The following DMTN variants were observed in gnomAD, a reference collection of about 807,000 sequenced individuals.
DMTN encodes the protein dematin.
A neutral mutation model predicts 59.4 loss-of-function variants in DMTN; 27 were observed. The observed-to-expected ratio is 0.45, with a 90% CI of 0.33 to 0.63. The LOEUF is 0.63. Ranked by LOEUF, DMTN falls within the 20% of genes least tolerant of loss-of-function variation. The probability of loss-of-function intolerance (pLI) is 0.02; values close to 1 mark genes in which losing one functional copy is unlikely to be tolerated. For synonymous variants in DMTN, 221 were observed against 203.7 expected (o/e 1.08, Z -0.72); for missense variants, 451 against 528.9 (o/e 0.85, Z 1.45).
intron 1 of DMTN, among the ~76,000 whole-genome samples, chr8:22,062,860 G>C (rs79708233): frequency 0.029 from 4,145 of 143,974 alleles, 112 homozygotes; most frequent in African/African-American, 0.077. Flanking sequence ...CTGTGTATCA[G>C]ACCCTTTGCT....
Position 22,081,873 on chromosome 8 carries a change from G to GGCCCCCCCCCC in DMTN, c.*410_*411insGCCCCCCCCCC. Reference sequence around the variant, plus strand: ...AGAAAGAGCTCCAGGCTCTTGTGTCGCCCACCCAGCCCTCCCATACTCACT... The same window carrying GGCCCCCCCCCC: ...AGAAAGAGCTCCAGGCTCTTGTGTCGGCCCCCCCCCCCCCACCCAGCCCTCCCATACTCACT... On this transcript the variant is annotated 3_prime_UTR_variant, in exon 16 of 16. Transcript: ENST00000358242. 1 of 460,766 alleles carries GGCCCCCCCCCC rather than the reference G, an allele frequency of 2.2e-6. No individual in the cohort carries two copies. Among genetic ancestry groups the GGCCCCCCCCCC allele is most frequent in the Non-Finnish European group, 4.3e-6 (1 of 230,124 alleles). The allele number at this position is 460,766 out of a possible 1,614,324, so 28.5% of individuals were successfully genotyped here.
At position 22,060,899 on chromosome 8, in the gene DMTN, C is replaced by G. The variant is rs576018843; in HGVS notation, c.-172+3763C>G. Among the ~76,000 whole-genome samples, 172 of 152,328 alleles carry G rather than the reference C, an allele frequency of 1.1e-3. No individual in the cohort carries two copies. The highest frequency in any genetic ancestry group is 2.2e-3 in the Admixed American group (34 of 15,302). ...TCCTTGACCAACTACTTAACTTGTT[C>G]AAGTCTCAACTTCTTCATGTGCAAA... On this transcript the variant is annotated intron_variant, in intron 1 of 15. Transcript: ENST00000358242. This position sits in a 1 kb window ranked among gnomAD's most constrained non-coding sequence, Gnocchi z 5.0.
At position 22,080,618 on chromosome 8, in the gene DMTN, G is replaced by T. The variant is rs1411554480; in HGVS notation, c.950G>T (p.Gly317Val). The change falls in exon 13 of 16, where the codon GGC becomes GTC. Residue 317 changes from glycine (G) to valine (V), a missense_variant and splice_region_variant. Gly to Val is a moderately radical substitution (Grantham distance 109). Transcript: ENST00000358242. ...SPSGSETGSPGLQNGEGQRGR... is the reference protein window; with the variant it reads ...SPSGSETGSPVLQNGEGQRGR... Reference sequence around the variant, plus strand: ...GACCCATGCCCCTTCTCTCCCGCAGGCCTGCAGGTGAGTGCCTCCTGGAGG... The same window carrying T: ...GACCCATGCCCCTTCTCTCCCGCAGTCCTGCAGGTGAGTGCCTCCTGGAGG... The T allele has an allele frequency of 2.5e-6, 4 of 1,607,140 alleles. No individual in the cohort carries two copies. In the African/African-American group the frequency reaches 5.3e-5, roughly 21 times the overall value.
chr8:22,076,321 TA>T (rs1164128629), intron 10 of DMTN, among the ~76,000 whole-genome samples: 1 of 151,926 alleles, frequency 6.6e-6, no homozygotes, highest in Non-Finnish European at 1.5e-5. Flanking sequence ...GGGCTTCCAT[TA>T]AAGGTCCAGT....
chr8:22,053,844 GCCCA>G (rs1801630663), upstream of DMTN: 1 of 152,260 alleles, frequency 6.6e-6, no homozygotes, highest in African/African-American at 2.4e-5. Context: ...AGCTGAGGAA[GCCCA>G]CCCGCCTGGG....
upstream of DMTN, chr8:22,055,512 G>C (rs913581033): frequency 7.9e-5 from 12 of 152,690 alleles, no homozygotes; most frequent in Admixed American, 6.5e-4. Flanking sequence ...GATGGCTGGA[G>C]TGGCTCCTCC....
At chr8:22,072,141 C>T (rs1816035458) in intron 8 of DMTN, among the ~76,000 whole-genome samples, 185 bp from the exon 9 acceptor site, 1 of 152,166 alleles carries the variant, frequency 6.6e-6, no homozygotes, top group Non-Finnish European at 1.5e-5. Flanking sequence ...CCTCCCACCT[C>T]AGCCTCCCAA....
chr8:22,069,765 T>G, intron 6 of DMTN, 116 bp from the exon 7 acceptor site: 1 of 1,253,684 alleles, frequency 8.0e-7, no homozygotes, highest in South Asian at 1.2e-5. Context: ...CTGTCTTGGC[T>G]CTTGACAGGG....
chr8:22,072,295 C>T (rs1160343360), intron 8 of DMTN, 31 bp from the exon 9 acceptor site: 5 of 1,580,666 alleles, frequency 3.2e-6, no homozygotes, highest in African/African-American at 2.7e-5. Context: ...TGGCGAGTGA[C>T]TCCCTCCCCA....
intron 7 of DMTN, 56 bp downstream of exon 7, chr8:22,069,993 T>C (rs1207992951): frequency 6.2e-7 from 1 of 1,606,504 alleles, no homozygotes; most frequent in African/African-American, 1.3e-5. Context: ...TGGGAGGCCG[T>C]GCCCTGGGGC....
At chr8:22,076,308 CT>C (rs952833679) in intron 10 of DMTN, among the ~76,000 whole-genome samples, 1 of 151,838 alleles carries the variant, frequency 6.6e-6, no homozygotes, top group Non-Finnish European at 1.5e-5. Context: ...GGAAGGGTGC[CT>C]AGGGCTTCCA....
At chr8:22,066,654 C>A in intron 1 of DMTN, 51 bp from the exon 2 acceptor site, 1 of 381,460 alleles carries the variant, frequency 2.6e-6, no homozygotes, top group Non-Finnish European at 4.5e-6. Flanking sequence ...CCCGCGGAGG[C>A]CCCGCAGCCT....
At chr8:22,066,004 C>T (rs1418057764) in intron 1 of DMTN, among the ~76,000 whole-genome samples, 1 of 151,790 alleles carries the variant, frequency 6.6e-6, no homozygotes, top group African/African-American at 2.4e-5. Flanking sequence ...CCACGCCTGG[C>T]TAATTTTTAA....
In DMTN at chr8:22,069,069, G is replaced by A; in HGVS notation, c.294+9G>A. On this transcript the variant is annotated intron_variant, in intron 5 of 15. Coordinates refer to ENST00000358242, the MANE Select transcript of DMTN (RefSeq NM_001387751.1). ...CCCCACCATCCCCAGAGGTGAGTCT[G>A]CCCCACACCTGCAACTTGCCCTGCC... 3 of 1,610,244 alleles carry A rather than the reference G, an allele frequency of 1.9e-6. No individual in the cohort carries two copies. Among genetic ancestry groups the A allele is most frequent in the Non-Finnish European group, 2.5e-6 (3 of 1,178,108 alleles).
Position 22,082,257 on chromosome 8 carries a change from A to G in DMTN, c.*794A>G, listed in dbSNP as rs1041312332. 8.8e-6 allele frequency: 4 copies of G among 456,676 alleles called. No individual in the cohort carries two copies. Among genetic ancestry groups the G allele is most frequent in the Non-Finnish European group, 1.8e-5 (4 of 227,006 alleles). The allele number at this position is 456,676 out of a possible 1,614,324, so 28.3% of individuals were successfully genotyped here. On this transcript the variant is annotated 3_prime_UTR_variant, in exon 16 of 16. Coordinates refer to ENST00000358242, the MANE Select transcript of DMTN (RefSeq NM_001387751.1). ...GTGTCCTGGCTACCAGCTCTCACCT[A>G]CACCCACGCACCCCCCCACACACTA...
chr8:22,081,024 G>A, intron 14 of DMTN, 89 bp from the exon 15 acceptor site: 1 of 1,492,830 alleles, frequency 6.7e-7, no homozygotes, highest in Non-Finnish European at 9.3e-7. Context: ...ATGAACCCCA[G>A]TGGCCTCTGC....
upstream of DMTN, chr8:22,048,971 C>T (rs1425483515): frequency 1.3e-5 from 2 of 148,472 alleles, no homozygotes; most frequent in Non-Finnish European, 3.0e-5. The surrounding 1 kb of genome is among the most constrained non-coding windows in gnomAD (Gnocchi z 6.9). Flanking sequence ...CGGGCGCGTC[C>T]AGGCCGGGCG....
rs1289328430 is a variant in DMTN, at chr8:22,082,007, A to C, written c.*544A>C. On this transcript the variant is annotated 3_prime_UTR_variant, in exon 16 of 16. Transcript: ENST00000358242. ...CACCCCTCCACTTCAGCTTGCCCTGACCTCCGCTCGCAAACCCCGAGCTTC... is the reference window on the plus strand; with the variant it reads ...CACCCCTCCACTTCAGCTTGCCCTGCCCTCCGCTCGCAAACCCCGAGCTTC... 1 of 456,158 alleles carries C rather than the reference A, an allele frequency of 2.2e-6. No individual in the cohort carries two copies. The highest frequency in any genetic ancestry group is 4.4e-6 in the Non-Finnish European group (1 of 226,904). The allele number at this position is 456,158 out of a possible 1,614,324, so 28.3% of individuals were successfully genotyped here. A position where few individuals can be genotyped will look rare whatever the true frequency, so the allele number is the denominator to read the frequency against.
At chr8:22,078,154 C>T in intron 10 of DMTN, among the ~76,000 whole-genome samples, 1 of 151,424 alleles carries the variant, frequency 6.6e-6, no homozygotes, top group South Asian at 2.1e-4. Context: ...CACCTGAAGT[C>T]AGGAGCTCAA....
Sources: gnomAD v4.1 joint callset for allele counts (sites outside exome capture counted in the v4.1 genomes callset) on GRCh38, gnomAD v4.1.1 for gene constraint, Gnocchi (gnomAD v3.1) non-coding constraint, MANE v1.5 for transcripts, NCBI Gene and HGNC (gene_info 2026-07-23, HGNC 2026-07-21) for gene names.